Variants in CFAP61 observed in about 807,000 individuals in gnomAD.
CFAP61 encodes the protein cilia and flagella associated protein 61, also known as cilia- and flagella-associated protein 61.
Under a neutral mutation model 135.6 loss-of-function variants are expected in CFAP61, and 107 were observed. The observed-to-expected ratio is 0.79, with a 90% CI of 0.67 to 0.93. The LOEUF (loss-of-function observed/expected upper bound fraction) is 0.93. Among genes scored for constraint, CFAP61 ranks in the 40% least tolerant of loss-of-function variants. The pLI is 0.00. For missense variants in CFAP61, 1,507 were observed against 1,556.2 expected (o/e 0.97, Z 0.53); for synonymous variants, 575 against 578.5 (o/e 0.99, Z 0.09).
intron 9 of CFAP61, among the ~76,000 whole-genome samples, chr20:20,151,793 G>A (rs2052446133): frequency 8.2e-6 from 1 of 122,048 alleles, no homozygotes; most frequent in Admixed American, 1.1e-4. Flanking sequence ...TGGCGCCACT[G>A]CACTCCTGTC....
At chr20:20,129,691 G>T (rs574944776) in intron 8 of CFAP61, among the ~76,000 whole-genome samples, 1 of 146,192 alleles carries the variant, frequency 6.8e-6, no homozygotes, top group African/African-American at 2.6e-5. Flanking sequence ...TCTTAGATTT[G>T]TTTTTTTCAG....
At chr20:20,262,426 C>T (rs1174466539) in intron 20 of CFAP61, among the ~76,000 whole-genome samples, 3 of 152,202 alleles carry the variant, frequency 2.0e-5, no homozygotes, top group Non-Finnish European at 4.4e-5. Context: ...GCCAACAACC[C>T]CAGCTCAGAT....
chr20:20,130,917 A>G (rs6075621), intron 8 of CFAP61, among the ~76,000 whole-genome samples: 28,968 of 151,756 alleles, frequency 0.19, 3,201 homozygotes, highest in Non-Finnish European at 0.24. Context: ...TCTTTCTTCA[A>G]GTATACCTGA....
At chr20:20,295,483 C>G (rs1284938681) in intron 24 of CFAP61, among the ~76,000 whole-genome samples, 1 of 152,128 alleles carries the variant, frequency 6.6e-6, no homozygotes, top group Non-Finnish European at 1.5e-5. Flanking sequence ...CCTCAGAACT[C>G]GCCTGCAGTT....
At chr20:20,269,232 T>TATATATACACGTATATGTGC in intron 21 of CFAP61, among the ~76,000 whole-genome samples, 1 of 144,006 alleles carries the variant, frequency 6.9e-6, no homozygotes, top group South Asian at 2.1e-4. Flanking sequence ...CATATATGTA[T>TATATATACACGTATATGTGC]ATATATACAC....
At chr20:20,066,730 G>A (rs913154044) in intron 2 of CFAP61, among the ~76,000 whole-genome samples, 4 of 152,094 alleles carry the variant, frequency 2.6e-5, no homozygotes, top group Non-Finnish European at 5.9e-5. Flanking sequence ...TGTAGATGAC[G>A]GGTTGATGGG....
At chr20:20,103,862 C>T (rs542737445) in intron 8 of CFAP61, among the ~76,000 whole-genome samples, 1 of 152,244 alleles carries the variant, frequency 6.6e-6, no homozygotes, top group African/African-American at 2.4e-5. Flanking sequence ...ACCTGCATTT[C>T]CACAGCTGTA....
At chr20:20,226,644 G>A (rs2048753556) in intron 17 of CFAP61, among the ~76,000 whole-genome samples, 1 of 152,140 alleles carries the variant, frequency 6.6e-6, no homozygotes, top group South Asian at 2.1e-4. Context: ...TTCCCTCTTG[G>A]CATGATGACC....
At chr20:20,275,493 C>G (rs745484449) in intron 21 of CFAP61, among the ~76,000 whole-genome samples, 1 of 152,192 alleles carries the variant, frequency 6.6e-6, no homozygotes, top group Non-Finnish European at 1.5e-5. Context: ...GTATCGTCCT[C>G]TCCAGCTGCC....
At position 20,176,025 on chromosome 20, in the gene CFAP61, A is replaced by G. The variant is rs559166625; in HGVS notation, c.1385+6565A>G. Among the ~76,000 whole-genome samples, 6 of 152,308 alleles carry G rather than the reference A, an allele frequency of 3.9e-5. No individual in the cohort carries two copies. The South Asian group carries it at 1.2e-3, about 32-fold the overall frequency. On this transcript the variant is annotated intron_variant, in intron 13 of 26. Coordinates refer to ENST00000245957, the MANE Select transcript of CFAP61 (RefSeq NM_015585.4). Reference sequence around the variant, plus strand: ...AAATTTGCAAGAAAAAAACAACCCCATTAAAAAGTGGGCAAAGGACCATGA... The same window carrying G: ...AAATTTGCAAGAAAAAAACAACCCCGTTAAAAAGTGGGCAAAGGACCATGA...
intron 8 of CFAP61, among the ~76,000 whole-genome samples, chr20:20,115,072 C>T (rs185160225): frequency 7.2e-5 from 11 of 152,144 alleles, no homozygotes; most frequent in Admixed American, 3.3e-4. Context: ...TCAATTTAGT[C>T]TTGATATACA....
At chr20:20,089,263 G>T (rs1389474897) in intron 6 of CFAP61, among the ~76,000 whole-genome samples, 2 of 152,170 alleles carry the variant, frequency 1.3e-5, no homozygotes, top group Non-Finnish European at 2.9e-5. Flanking sequence ...CTCAGGCAAA[G>T]CATTTCCTCA....
chr20:20,196,757 C>T lies in CFAP61; in HGVS notation c.1778C>T (p.Pro593Leu). The change falls in exon 16 of 27, where the codon CCA becomes CTA. Residue 593 changes from proline to leucine, a missense_variant. Physicochemically the swap from Pro to Leu is moderately conservative, Grantham distance 98 (BLOSUM62 -3). Coordinates refer to ENST00000245957, the MANE Select transcript of CFAP61 (RefSeq NM_015585.4). Reference sequence around the variant, plus strand: ...TCCTGTCTCTACTACCGTGTTTACCCAAAATCCAGAGAAGGCAAGGTAAGA... The same window carrying T: ...TCCTGTCTCTACTACCGTGTTTACCTAAAATCCAGAGAAGGCAAGGTAAGA... ...FKSCLYYRVY[P>L]KSREGKFQNP... 1 of 1,614,096 alleles carries T rather than the reference C, an allele frequency of 6.2e-7. No homozygotes were observed.
intron 17 of CFAP61, among the ~76,000 whole-genome samples, chr20:20,219,843 C>T (rs1036806735): frequency 4.6e-5 from 7 of 152,126 alleles, no homozygotes; most frequent in African/African-American, 1.7e-4. Context: ...GTCCCCAGCT[C>T]CTGGTCAGAG....
At chr20:20,252,463 G>T (rs2051011918) in intron 20 of CFAP61, among the ~76,000 whole-genome samples, 1 of 152,218 alleles carries the variant, frequency 6.6e-6, no homozygotes, top group Non-Finnish European at 1.5e-5. Context: ...CCAAGTTTGT[G>T]AAACCCATGG....
intron 20 of CFAP61, among the ~76,000 whole-genome samples, chr20:20,260,238 G>C (rs1389264740): frequency 6.6e-6 from 1 of 152,198 alleles, no homozygotes; most frequent in Non-Finnish European, 1.5e-5. Flanking sequence ...TTTCAGGCTG[G>C]ATAGCTCTGT....
chr20:20,109,137 C>A (rs1273245886), intron 8 of CFAP61, among the ~76,000 whole-genome samples: 1 of 152,128 alleles, frequency 6.6e-6, no homozygotes, highest in Non-Finnish European at 1.5e-5. Context: ...GAACTCTGGG[C>A]TCTCAGTCCA....
chr20:20,099,386 T>G (rs905224976), intron 8 of CFAP61, among the ~76,000 whole-genome samples: 1 of 152,224 alleles, frequency 6.6e-6, no homozygotes, highest in Admixed American at 6.5e-5. Context: ...CACGTTCAAT[T>G]AGGTAACCTC....
At chr20:20,088,884 C>T (rs1459622972) in intron 6 of CFAP61, among the ~76,000 whole-genome samples, 2 of 152,114 alleles carry the variant, frequency 1.3e-5, no homozygotes, top group Non-Finnish European at 2.9e-5. Context: ...TCATTTCAAC[C>T]GTTACACTTG....
Sources: gnomAD v4.1 joint callset for allele counts (sites outside exome capture counted in the v4.1 genomes callset) on GRCh38, gnomAD v4.1.1 for gene constraint, MANE v1.5 for transcripts, NCBI Gene and HGNC (gene_info 2026-07-23, HGNC 2026-07-21) for gene names.